ARVCF: variants seen among roughly 807,000 people sequenced by gnomAD.
ARVCF encodes the protein ARVCF delta catenin family member.
In ARVCF, 66 loss-of-function variants were observed where a neutral mutation model predicts 90.9. That is an observed-to-expected ratio of 0.73 (90% CI 0.60 to 0.89). The LOEUF (loss-of-function observed/expected upper bound fraction) is 0.89, where lower values mean the gene tolerates loss of function less well. Among genes scored for constraint, ARVCF ranks in the 40% least tolerant of loss-of-function variants. The probability of loss-of-function intolerance (pLI) is 0.00; values close to 1 mark genes in which losing one functional copy is unlikely to be tolerated. For missense variants in ARVCF, 1,469 were observed against 1,382.3 expected (o/e 1.06, Z -1.00); for synonymous variants, 653 against 603.4 (o/e 1.08, Z -1.21).
intron 3 of ARVCF, among the ~76,000 whole-genome samples, chr22:19,982,817 G>A (rs2146326571): frequency 6.6e-6 from 1 of 152,354 alleles, no homozygotes; most frequent in East Asian, 1.9e-4. Flanking sequence ...CCCAGTGACT[G>A]AGACTCTGGG....
chr22:19,968,605 T>C, downstream of ARVCF: 1 of 1,614,048 alleles, frequency 6.2e-7, no homozygotes. Flanking sequence ...TGCGCCAGAC[T>C]TCCTAGCACA....
In ARVCF at chr22:19,973,812, G is replaced by C. The variant is rs200701884; in HGVS notation, c.2089-19C>G. 5 of 1,594,826 alleles carry C rather than the reference G, an allele frequency of 3.1e-6. No individual in the cohort carries two copies. In the African/African-American group the frequency reaches 6.7e-5, roughly 21 times the overall value. On this transcript the variant is annotated intron_variant, in intron 12 of 19. Transcript: ENST00000263207. ...TGGCCCACTGCGGAGGCGGGGAGAG[G>C]GTTGCTCAGACATACATGCCAGGCA...
rs1320232091 is a variant in ARVCF at position 19,979,098 on chromosome 22, C to T, written c.1397-18G>A. 6 of 1,607,006 alleles carry T rather than the reference C, an allele frequency of 3.7e-6. No individual in the cohort carries two copies. Among genetic ancestry groups the T allele is most frequent in the Admixed American group, 1.7e-5 (1 of 59,778 alleles). On this transcript the variant is annotated intron_variant, in intron 6 of 19. Transcript: ENST00000263207. The stretch of plus-strand genomic sequence containing the variant: ...CAGGGTGCCTGTGGGGTGCGATTGG[C>T]CAATCTGTGCTGACCATATGCACCG...
chr22:20,011,381 T>C (rs1202273275), intron 1 of ARVCF, among the ~76,000 whole-genome samples: 1 of 151,936 alleles, frequency 6.6e-6, no homozygotes, highest in Non-Finnish European at 1.5e-5. Context: ...ACATCGGTAA[T>C]GAGAGCTCTC....
rs528123720 is a variant in ARVCF at position 19,980,859 on chromosome 22, C to T, written c.896+352G>A. 19 of 271,618 alleles carry T rather than the reference C, an allele frequency of 7.0e-5. 1 individual carries two copies. In the South Asian group the frequency reaches 2.2e-3, roughly 32 times the overall value. The allele number at this position is 271,618 out of a possible 1,614,324, so 16.8% of individuals were successfully genotyped here. ...ACAAAATCCTGACCCGGGCTGTGGTCACATCCCCACTCCAGAGATGCAGAA... is the reference window on the plus strand; with the variant it reads ...ACAAAATCCTGACCCGGGCTGTGGTTACATCCCCACTCCAGAGATGCAGAA... On this transcript the variant is annotated intron_variant, in intron 5 of 19. Transcript: ENST00000263207.
chr22:19,968,616 C>CGT (rs893987628), downstream of ARVCF: 2 of 1,613,962 alleles, frequency 1.2e-6, no homozygotes, highest in Non-Finnish European at 1.7e-6. Flanking sequence ...TCCTAGCACA[C>CGT]GTGCGCGGGA....
intron 3 of ARVCF, among the ~76,000 whole-genome samples, chr22:19,988,367 C>T (rs1474968574): frequency 1.3e-5 from 2 of 152,248 alleles, no homozygotes; most frequent in Non-Finnish European, 2.9e-5. Flanking sequence ...GCCAAAAACG[C>T]GCCCGCATCT....
Position 19,970,731 on chromosome 22 carries a change from C to G in ARVCF, c.*25G>C. The G allele has an allele frequency of 7.8e-7, 1 of 1,287,570 alleles. No homozygotes were observed. 79.8% of individuals were successfully genotyped at this position (1,287,570 alleles called of 1,614,324 possible). A position where few individuals can be genotyped will look rare whatever the true frequency, so the allele number is the denominator to read the frequency against. On this transcript the variant is annotated 3_prime_UTR_variant, in exon 20 of 20. Transcript: ENST00000263207. ...CGATCCAAGCCCTAAGAACAAGAGG[C>G]TGGGCCTGGGCCCTGCAGAGGGAAA...
intron 2 of ARVCF, among the ~76,000 whole-genome samples, chr22:20,006,359 C>T (rs1304716594): frequency 1.3e-5 from 2 of 151,704 alleles, no homozygotes; most frequent in Non-Finnish European, 2.9e-5. Context: ...GGGCGGATCA[C>T]GAGGTCAGGA....
Position 19,979,804 on chromosome 22 carries a change from C to G in ARVCF, c.1335G>C (p.Val445=), listed in dbSNP as rs372059467. 4.4e-6 allele frequency: 7 copies of G among 1,608,630 alleles called. No individual in the cohort carries two copies. The African/African-American group carries it at 9.3e-5, about 21-fold the overall frequency. Residue 445 remains valine (V), a synonymous_variant, in exon 6 of 20, where the codon GTG becomes GTC. Transcript: ENST00000263207. ...CCCTCAGCAGGCGCACCAGGGCAGG[C>G]ACACCACCGCAGTCCCGGATGGCGG... ...NKAAIRDCGG[V]PALVRLLRAA... is the part of the protein sequence containing the mutation.
At chr22:19,983,884 G>T (rs948149488) in intron 3 of ARVCF, 1 of 152,450 alleles carries the variant, frequency 6.6e-6, no homozygotes, top group African/African-American at 2.4e-5. Context: ...GGCAGGGCAG[G>T]CTGGGCTCTT....
rs1295063179 is a variant in ARVCF, at chr22:19,973,281, C to T, written c.2276G>A (p.Arg759His). The change falls in exon 14 of 20, where the codon CGC becomes CAC. Residue 759 changes from arginine (R) to histidine (H), a missense_variant. Transcript: ENST00000263207. ...CGGTCGCGGCGGAGCCTGTGCATTG[C>T]GCACATTCCGCACAAGCTCAGCCAT... ...YAMAELVRNV[R>H]NAQAPPRPGA... is the part of the protein sequence containing the mutation. 5.0e-6 allele frequency: 8 copies of T among 1,605,710 alleles called. No individual in the cohort carries two copies. The African/African-American group carries it at 6.7e-5, about 13-fold the overall frequency.
chr22:19,979,751 A>C lies in ARVCF; in HGVS notation c.1388T>G (p.Leu463Arg), dbSNP rs1039832278. The change falls in exon 6 of 20, where the codon CTT (leucine) becomes CGT (arginine). Residue 463 changes from leucine (L) to arginine (R), a missense_variant. Leu to Arg is a moderately radical substitution (Grantham distance 102). Transcript: ENST00000263207. Reference sequence around the variant, plus strand: ...GGCCAGGTCCCACTCACCAGTGACAAGCTCACGGACCTCGTTGTCCCGGGC... The same window carrying C: ...GGCCAGGTCCCACTCACCAGTGACACGCTCACGGACCTCGTTGTCCCGGGC... ...RAARDNEVRELVTGTLWNLSS... is the reference protein window; with the variant it reads ...RAARDNEVRERVTGTLWNLSS... 1.9e-6 allele frequency: 3 copies of C among 1,597,268 alleles called. No homozygotes were observed. The African/African-American group carries it at 4.0e-5, about 21-fold the overall frequency.
chr22:19,988,987 C>A (rs9606204), intron 3 of ARVCF, among the ~76,000 whole-genome samples: 38,294 of 152,010 alleles, frequency 0.25, 5,212 homozygotes, highest in South Asian at 0.33. Flanking sequence ...GGGCATCAAC[C>A]CTCCGGGGTG....
rs1340831125 is a variant in ARVCF, at chr22:19,981,202, G to T, written c.896+9C>A. ...AGGAGGTAGCCACAGGGGACGGGGT[G>T]CAGCTCACCTGGTATGAAGGCCCCG... On this transcript the variant is annotated intron_variant, in intron 5 of 19. Coordinates refer to ENST00000263207, the MANE Select transcript of ARVCF (RefSeq NM_001670.3). 11 of 1,522,680 alleles carry T rather than the reference G, an allele frequency of 7.2e-6. No homozygotes were observed. The East Asian group carries it at 2.5e-4, about 34-fold the overall frequency. 94.3% of individuals were successfully genotyped at this position (1,522,680 alleles called of 1,614,324 possible).
rs76496156 is a variant in ARVCF at position 19,979,039 on chromosome 22, C to T, written c.1438G>A (p.Val480Ile). Residue 480 changes from valine to isoleucine, a missense_variant, in exon 7 of 20, where the codon GTC becomes ATC. Physicochemically the swap from Val to Ile is conservative, Grantham distance 29. Transcript: ENST00000263207. ...NLSSYEPLKM[V>I]IIDHGLQTLT... ...GTCTGCAGGCCATGGTCAATGATGA[C>T]CATCTTCAGGGGCTCATAGGATGAC... 1,812 of 1,613,360 alleles carry T rather than the reference C, an allele frequency of 1.1e-3. 29 individuals are homozygous for T. The African/African-American group carries it at 0.022, about 20-fold the overall frequency.
At chr22:19,984,349 C>T (rs1943653723) in intron 3 of ARVCF, among the ~76,000 whole-genome samples, 1 of 152,136 alleles carries the variant, frequency 6.6e-6, no homozygotes, top group Admixed American at 6.5e-5. Flanking sequence ...TGGGGTGGTC[C>T]AGGAGAGCCA....
chr22:20,004,801 T>C (rs1197249999), intron 2 of ARVCF, among the ~76,000 whole-genome samples: 4 of 152,188 alleles, frequency 2.6e-5, no homozygotes, highest in Non-Finnish European at 5.9e-5. Context: ...AGGGAAATGA[T>C]GGTATTTTCA....
chr22:20,007,343 A>G (rs1429985487), intron 2 of ARVCF, among the ~76,000 whole-genome samples: 1 of 152,258 alleles, frequency 6.6e-6, no homozygotes, highest in African/African-American at 2.4e-5. Context: ...TGAAGGTTGC[A>G]GTGAGCCAAG....
Sources: allele counts gnomAD v4.1 joint callset (sites outside exome capture counted in the v4.1 genomes callset), GRCh38; gene constraint gnomAD v4.1.1; transcripts MANE v1.5; gene names NCBI Gene and HGNC (gene_info 2026-07-23, HGNC 2026-07-21).